The following GBF1 variants were observed in gnomAD, a reference collection of about 807,000 sequenced individuals.
The protein encoded by GBF1 is Golgi-specific brefeldin A-resistance guanine nucleotide exchange factor 1.
Under a neutral mutation model 210.5 loss-of-function variants are expected in GBF1, and 114 were observed. The observed-to-expected ratio is 0.54, with a 90% CI of 0.47 to 0.63. The LOEUF (loss-of-function observed/expected upper bound fraction) is 0.63, where lower values mean the gene tolerates loss of function less well. Among genes scored for constraint, GBF1 ranks in the 30% least tolerant of loss-of-function variants. The probability of loss-of-function intolerance (pLI) is 0.00; values close to 1 mark genes in which losing one functional copy is unlikely to be tolerated. For missense variants in GBF1, 1,851 were observed against 2,357.7 expected, an observed-to-expected ratio of 0.79 and a Z score of 4.45; for synonymous variants, 850 against 889.2, an observed-to-expected ratio of 0.96 and a Z score of 0.78.
intron 36 of GBF1, 56 bp from the exon 37 acceptor site, chr10:102,380,193 G>A (rs1589839984): frequency 8.8e-7 from 1 of 1,130,692 alleles, no homozygotes; most frequent in East Asian, 2.3e-5. Context: ...CAGCCTCAGA[G>A]AGGGGTCCAG....
intron 3 of GBF1, among the ~76,000 whole-genome samples, chr10:102,340,551 G>A (rs2058111595): frequency 6.6e-6 from 1 of 151,944 alleles, no homozygotes; most frequent in African/African-American, 2.4e-5. Flanking sequence ...GGGATTACAG[G>A]CGTGAGCCAC....
At chr10:102,346,892 A>G (rs1202214340) in intron 4 of GBF1, among the ~76,000 whole-genome samples, 1 of 151,902 alleles carries the variant, frequency 6.6e-6, no homozygotes, top group African/African-American at 2.4e-5. Context: ...TTTGTTTTTC[A>G]TGTCAATTTG....
chr10:102,241,826 C>T (rs1408168480), upstream of GBF1, among the ~76,000 whole-genome samples: 1 of 152,254 alleles, frequency 6.6e-6, no homozygotes, highest in African/African-American at 2.4e-5. This position sits in a 1 kb window ranked among gnomAD's most constrained non-coding sequence, Gnocchi z 6.7. Context: ...CCGGTAGCCA[C>T]GGGTAAAAGG....
chr10:102,368,632 T>C, intron 22 of GBF1, 107 bp from the exon 23 acceptor site: 1 of 885,760 alleles, frequency 1.1e-6, no homozygotes. Flanking sequence ...ATTAAAAGGT[T>C]TCTTCCTGGG....
chr10:102,325,658 G>GT lies in GBF1; in HGVS notation c.164-18384dup, dbSNP rs927780622. Reference sequence around the variant, plus strand: ...ACTTACAAAAGTTTTTTTTGTTTTTGTTTTTTTTTAAGACACAGTCTCACT... The same window carrying GT: ...ACTTACAAAAGTTTTTTTTGTTTTTGTTTTTTTTTTAAGACACAGTCTCACT... On this transcript the variant is annotated intron_variant, in intron 3 of 39. Coordinates refer to ENST00000369983, the MANE Select transcript of GBF1 (RefSeq NM_001377137.1). 1.6e-4 allele frequency among the ~76,000 whole-genome samples: 24 copies of GT among 148,934 alleles called. 1 individual carries two copies. In the East Asian group the frequency reaches 1.8e-3, roughly 11 times the overall value.
At chr10:102,264,397 G>A (rs2073619538) in intron 3 of GBF1, among the ~76,000 whole-genome samples, 1 of 152,138 alleles carries the variant, frequency 6.6e-6, no homozygotes, top group Non-Finnish European at 1.5e-5. Context: ...TATTCAAACT[G>A]TAATCTTTGA....
intron 3 of GBF1, among the ~76,000 whole-genome samples, chr10:102,338,195 A>AATGAACATAT (rs2057902625): frequency 6.6e-6 from 1 of 151,834 alleles, no homozygotes; most frequent in Non-Finnish European, 1.5e-5. Flanking sequence ...AAAGTACTGG[A>AATGAACATAT]ATGAACATAT....
chr10:102,353,033 C>G (rs1265858296), intron 7 of GBF1, among the ~76,000 whole-genome samples: 1 of 152,108 alleles, frequency 6.6e-6, no homozygotes, highest in Non-Finnish European at 1.5e-5. Context: ...AGGCCTGTTT[C>G]CTGCACCTCC....
intron 1 of GBF1, among the ~76,000 whole-genome samples, chr10:102,255,799 A>C (rs928861828): frequency 6.6e-6 from 1 of 152,196 alleles, no homozygotes; most frequent in African/African-American, 2.4e-5. Flanking sequence ...TATCATTGAC[A>C]CTTCTCAGAA....
At chr10:102,245,139 G>A (rs1414705084), upstream of GBF1, among the ~76,000 whole-genome samples, 1 of 152,170 alleles carries the variant, frequency 6.6e-6, no homozygotes, top group African/African-American at 2.4e-5. Flanking sequence ...GTGGACAGGG[G>A]AGTAGGGATG....
intron 3 of GBF1, among the ~76,000 whole-genome samples, chr10:102,335,906 T>C (rs2057695283): frequency 6.6e-6 from 1 of 152,160 alleles, no homozygotes; most frequent in African/African-American, 2.4e-5. Flanking sequence ...ACCGTAAATA[T>C]CAACCACCCG....
Position 102,367,149 on chromosome 10 carries a change from T to C in GBF1, c.2498T>C (p.Met833Thr). 1 of 1,613,918 alleles carries C rather than the reference T, an allele frequency of 6.2e-7. No individual in the cohort carries two copies. The change falls in exon 20 of 40, where the codon ATG (methionine) becomes ACG (threonine). Residue 833 changes from methionine (M) to threonine (T), a missense_variant. Met to Thr is a moderately conservative substitution (Grantham distance 81). This residue lies in a region of GBF1 where 80 missense variants were observed against 151.4 expected (regional missense o/e 0.53). Transcript: ENST00000369983. ...ACFSLAYAVI[M>T]LNTDQHNHNV... ...TTTTCCCTGGCCTATGCTGTCATCATGCTTAATACTGACCAGCACAACCAC... is the reference window on the plus strand; with the variant it reads ...TTTTCCCTGGCCTATGCTGTCATCACGCTTAATACTGACCAGCACAACCAC...
chr10:102,381,823 G>GAAAA (rs386372282), intron 39 of GBF1, among the ~76,000 whole-genome samples: 2 of 19,088 alleles, frequency 1.0e-4, no homozygotes, highest in African/African-American at 1.9e-4. Flanking sequence ...ACCCTGTCGC[G>GAAAA]AAAAAAAAAA....
rs762445249 is a variant in GBF1, at chr10:102,358,112, G to A, written c.713G>A (p.Arg238His). 1.1e-5 allele frequency: 17 copies of A among 1,611,226 alleles called. No individual in the cohort carries two copies. Among genetic ancestry groups the A allele is most frequent in the African/African-American group, 5.3e-5 (4 of 74,802 alleles). ...CAGAAGAGATCCCCTCGGCCCCCAC[G>A]CCATATGACCAAAGTCACACCAGGT... ...KKQKRSPRPP[R>H]HMTKVTPGSE... Residue 238 changes from arginine (R) to histidine (H), a missense_variant, in exon 9 of 40, where the codon CGC (arginine) becomes CAC (histidine). Transcript: ENST00000369983.
intron 8 of GBF1, among the ~76,000 whole-genome samples, chr10:102,356,640 G>A (rs1215602694): frequency 6.6e-6 from 1 of 151,942 alleles, no homozygotes; most frequent in Non-Finnish European, 1.5e-5. Context: ...GGTGGCGGGC[G>A]CCTGTAGTCC....
At chr10:102,300,951 T>C (rs1006389728) in intron 3 of GBF1, among the ~76,000 whole-genome samples, 1 of 151,018 alleles carries the variant, frequency 6.6e-6, no homozygotes, top group Admixed American at 6.6e-5. Flanking sequence ...GTTTAAAATA[T>C]ATAAGAGAAT....
At chr10:102,296,134 A>G (rs1214647751) in intron 3 of GBF1, among the ~76,000 whole-genome samples, 2 of 152,200 alleles carry the variant, frequency 1.3e-5, no homozygotes, top group Non-Finnish European at 2.9e-5. Flanking sequence ...TATTCTCACC[A>G]GCTTGTTTCA....
chr10:102,283,023 C>T (rs987188907), intron 3 of GBF1, among the ~76,000 whole-genome samples: 1 of 152,088 alleles, frequency 6.6e-6, no homozygotes, highest in Non-Finnish European at 1.5e-5. Context: ...AAAAGATTAT[C>T]ACAAGGAGGT....
chr10:102,240,822 T>G (rs2070515671), upstream of GBF1, among the ~76,000 whole-genome samples: 1 of 152,188 alleles, frequency 6.6e-6, no homozygotes, highest in South Asian at 2.1e-4. Context: ...CAGCTCCTAT[T>G]CCAACTGCGG....
Sources: gnomAD v4.1 joint callset for allele counts (sites outside exome capture counted in the v4.1 genomes callset) on GRCh38, gnomAD v4.1.1 for gene constraint, gnomAD v4.1.1 regional missense constraint, Gnocchi (gnomAD v3.1) non-coding constraint, MANE v1.5 for transcripts, NCBI Gene and HGNC (gene_info 2026-07-23, HGNC 2026-07-21) for gene names.